The following INTS2 variants were observed in gnomAD, a reference collection of about 807,000 sequenced individuals.
INTS2 encodes KIAA1287.
In INTS2, 57 loss-of-function variants were observed where a neutral mutation model predicts 139.6. That is an observed-to-expected ratio of 0.41 (90% CI 0.33 to 0.51). INTS2 has a LOEUF of 0.51. INTS2 is among the 20% of genes least tolerant of loss of function. The pLI is 0.28. For missense variants in INTS2, 1,196 were observed against 1,436.7 expected, an observed-to-expected ratio of 0.83 and a Z score of 2.71; for synonymous variants, 473 against 493.4, an observed-to-expected ratio of 0.96 and a Z score of 0.55.
chr17:61,872,252 T>C lies in INTS2; in HGVS notation c.2778+13A>G, dbSNP rs376975751. ...TGCTCTTTTTGACTAAATTTTACTTTAGCAAAATTTACCTGAGCGGCCAGT... is the reference window on the plus strand; with the variant it reads ...TGCTCTTTTTGACTAAATTTTACTTCAGCAAAATTTACCTGAGCGGCCAGT... On this transcript the variant is annotated intron_variant, in intron 20 of 24. Transcript: ENST00000251334. The surrounding 1 kb of genome is among the most constrained non-coding windows in gnomAD (Gnocchi z 4.8). The C allele has an allele frequency of 8.1e-6, 13 of 1,601,346 alleles. No homozygotes were observed. The highest frequency in any genetic ancestry group is 1.1e-5 in the Non-Finnish European group (13 of 1,171,376).
chr17:61,908,778 TAA>T (rs1318694682), intron 7 of INTS2, among the ~76,000 whole-genome samples: 1 of 147,704 alleles, frequency 6.8e-6, no homozygotes, highest in Non-Finnish European at 1.5e-5. Context: ...AAGCATCCAA[TAA>T]ATAAATGTTA....
rs1345629485 is a variant in INTS2 at position 61,911,954 on chromosome 17, C to T, written c.766G>A (p.Val256Ile). The T allele has an allele frequency of 1.2e-6, 2 of 1,613,104 alleles. No homozygotes were observed. The highest frequency in any genetic ancestry group is 2.7e-5 in the African/African-American group (2 of 74,856). Residue 256 changes from valine to isoleucine, a missense_variant, in exon 6 of 25, where the codon GTC becomes ATC. Around this residue, in one of 3 missense-constraint regions of INTS2, gnomAD observed 1,129 missense variants for 1,341.9 expected, o/e 0.84. Coordinates refer to ENST00000251334, the MANE Select transcript of INTS2 (RefSeq NM_001351695.2). Reference protein sequence around the residue: ...CKMNPSQALKVRGMVVEECHL... With the variant: ...CKMNPSQALKIRGMVVEECHL... ...GGATCACTTACCACCATGCCTCGGA[C>T]CTTGAGGGCCTGAGAAGGATTCATT...
At chr17:61,921,885 AT>A (rs1337208599) in intron 3 of INTS2, 58 bp from the exon 4 acceptor site, 1 of 868,282 alleles carries the variant, frequency 1.2e-6, no homozygotes, top group East Asian at 2.7e-5. Flanking sequence ...TTAAATCCCT[AT>A]TTTTATAATT....
chr17:61,880,771 G>A (rs1017989134), intron 17 of INTS2, among the ~76,000 whole-genome samples: 22 of 142,094 alleles, frequency 1.5e-4, no homozygotes, highest in Non-Finnish European at 2.9e-4. Flanking sequence ...GAAAGGAAAG[G>A]GAAAAGGGGG....
At chr17:61,906,830 CA>C (rs60672452) in intron 8 of INTS2, among the ~76,000 whole-genome samples, 61,067 of 101,982 alleles carry the variant, frequency 0.6, 15,407 homozygotes, top group East Asian at 0.8. Context: ...ACTAAAAATA[CA>C]AAAAAAAAAA....
chr17:61,914,582 A>G (rs1415643932), intron 5 of INTS2, among the ~76,000 whole-genome samples: 2 of 151,792 alleles, frequency 1.3e-5, no homozygotes, highest in East Asian at 3.9e-4. Flanking sequence ...GGGCGCCTGT[A>G]GTCCCAGCTA....
chr17:61,926,210 T>C (rs2079711695), intron 2 of INTS2, 142 bp downstream of exon 2: 2 of 626,008 alleles, frequency 3.2e-6, no homozygotes, highest in Non-Finnish European at 5.4e-6. Context: ...TCTGGAACTG[T>C]AACTATATAC....
Position 61,912,946 on chromosome 17 carries a change from C to A in INTS2, c.650-876G>T, listed in dbSNP as rs142273817. 6.8e-3 allele frequency among the ~76,000 whole-genome samples: 1,040 copies of A among 151,930 alleles called. 9 individuals are homozygous for A. Among genetic ancestry groups the A allele is most frequent in the African/African-American group, 0.023 (959 of 41,404 alleles). On this transcript the variant is annotated intron_variant, in intron 5 of 24. Transcript: ENST00000251334. ...CAAAAATTAGCTGGGTGTGGTAATGCGCACCTATAGTCCCAGCTGCTCAGG... is the reference window on the plus strand; with the variant it reads ...CAAAAATTAGCTGGGTGTGGTAATGAGCACCTATAGTCCCAGCTGCTCAGG...
At chr17:61,874,381 T>C (rs1005373628) in intron 19 of INTS2, among the ~76,000 whole-genome samples, 6 of 152,192 alleles carry the variant, frequency 3.9e-5, no homozygotes, top group South Asian at 2.1e-4. Flanking sequence ...ATAGTACTTA[T>C]CATAACAAGT....
intron 4 of INTS2, among the ~76,000 whole-genome samples, 199 bp downstream of exon 4, chr17:61,921,526 T>C (rs967523776): frequency 5.9e-5 from 9 of 152,238 alleles, no homozygotes; most frequent in Non-Finnish European, 1.0e-4. Context: ...CATGTTAATG[T>C]CTGCATAATA....
rs369847551 is a variant in INTS2 at position 61,907,540 on chromosome 17, C to T, written c.1049G>A (p.Arg350Gln). 57 of 1,594,778 alleles carry T rather than the reference C, an allele frequency of 3.6e-5. No homozygotes were observed. The Middle Eastern group carries it at 1.2e-3, about 32-fold the overall frequency. ...ATCCACATCAGCTTCTTCCACAATT[C>T]GGGTGCTTCTTACTGTGGGAAGAAT... Reference protein sequence around the residue: ...MGILPTVRSTRIVEEADVDME... With the variant: ...MGILPTVRSTQIVEEADVDME... Residue 350 changes from arginine (R) to glutamine (Q), a missense_variant, in exon 8 of 25, where the codon CGA becomes CAA. Around this residue, in one of 3 missense-constraint regions of INTS2, gnomAD observed 1,129 missense variants for 1,341.9 expected, o/e 0.84. Transcript: ENST00000251334.
At chr17:61,907,681 C>T (rs2143084250) in intron 7 of INTS2, 47 bp from the exon 8 acceptor site, 1 of 1,481,272 alleles carries the variant, frequency 6.8e-7, no homozygotes, top group East Asian at 2.5e-5. Flanking sequence ...GAAGCATTTA[C>T]TAAACTAAAA....
chr17:61,887,407 C>T (rs975115663), intron 15 of INTS2, among the ~76,000 whole-genome samples: 4 of 146,698 alleles, frequency 2.7e-5, no homozygotes, highest in African/African-American at 5.1e-5. Context: ...CACTGGAACC[C>T]GGGAGGTGGA....
At chr17:61,891,400 T>C (rs1603376742) in intron 14 of INTS2, 113 bp downstream of exon 14, 6 of 802,048 alleles carry the variant, frequency 7.5e-6, no homozygotes, top group Middle Eastern at 7.1e-4. Flanking sequence ...TTTAATCTAA[T>C]TTTAAATTCA....
chr17:61,881,555 A>T (rs2145913645), intron 16 of INTS2, among the ~76,000 whole-genome samples: 1 of 152,272 alleles, frequency 6.6e-6, no homozygotes, highest in East Asian at 1.9e-4. Context: ...CAGGATCGCA[A>T]CATTGCACTC....
intron 5 of INTS2, among the ~76,000 whole-genome samples, chr17:61,915,911 G>A (rs1018732818): frequency 6.6e-6 from 1 of 150,934 alleles, no homozygotes; most frequent in African/African-American, 2.4e-5. Context: ...TCTTTAAAAT[G>A]GCCATATTGC....
At chr17:61,908,411 GTC>G (rs1189559985) in intron 7 of INTS2, among the ~76,000 whole-genome samples, 1 of 151,874 alleles carries the variant, frequency 6.6e-6, no homozygotes, top group Non-Finnish European at 1.5e-5. Context: ...TGATACTCTC[GTC>G]TCAAAAAAAA....
Position 61,915,724 on chromosome 17 carries a change from G to A in INTS2, c.650-3654C>T, listed in dbSNP as rs528545136. On this transcript the variant is annotated intron_variant, in intron 5 of 24. Coordinates refer to ENST00000251334, the MANE Select transcript of INTS2 (RefSeq NM_001351695.2). ...CGGGTGCCTGTAGTCCCAGCTACTC[G>A]GGAGGCTGAGGCAGGAGAATGGCTG... 2.6e-3 allele frequency among the ~76,000 whole-genome samples: 383 copies of A among 148,924 alleles called. 2 individuals carry two copies. Among genetic ancestry groups the A allele is most frequent in the African/African-American group, 9.1e-3 (368 of 40,560 alleles).
chr17:61,874,846 T>G (rs1246440092), intron 19 of INTS2, 67 bp downstream of exon 19: 6 of 1,256,954 alleles, frequency 4.8e-6, no homozygotes, highest in Non-Finnish European at 5.2e-6. Context: ...AAACTGAATT[T>G]CATCAATTTC....
Sources: allele counts gnomAD v4.1 joint callset (sites outside exome capture counted in the v4.1 genomes callset), GRCh38; gene constraint gnomAD v4.1.1; regional missense constraint gnomAD v4.1.1; non-coding constraint Gnocchi (gnomAD v3.1); transcripts MANE v1.5; gene names NCBI Gene and HGNC (gene_info 2026-07-23, HGNC 2026-07-21).